TRAPPC9: variants seen among roughly 807,000 people sequenced by gnomAD.
TRAPPC9 encodes IKK2 binding protein.
Under a neutral mutation model 124.0 loss-of-function variants are expected in TRAPPC9, and 83 were observed. The observed-to-expected ratio is 0.67, with a 90% CI of 0.56 to 0.80. The LOEUF (loss-of-function observed/expected upper bound fraction) is 0.80, where lower values mean the gene tolerates loss of function less well. Ranked by LOEUF, TRAPPC9 falls within the 30% of genes least tolerant of loss-of-function variation. The probability of loss-of-function intolerance (pLI) is 0.00; values close to 1 mark genes in which losing one functional copy is unlikely to be tolerated. For missense variants in TRAPPC9, 1,302 were observed against 1,508.3 expected (o/e 0.86, Z 2.27); for synonymous variants, 638 against 617.5 (o/e 1.03, Z -0.49).
intron 21 of TRAPPC9, among the ~76,000 whole-genome samples, chr8:139,760,317 C>G (rs1228897209): frequency 2.6e-5 from 4 of 152,112 alleles, no homozygotes; most frequent in Non-Finnish European, 5.9e-5. Context: ...AGCAGACAGA[C>G]AGCTTGGAGA....
chr8:140,285,057 ATAACT>A, intron 13 of TRAPPC9, among the ~76,000 whole-genome samples: 1 of 152,332 alleles, frequency 6.6e-6, no homozygotes, highest in East Asian at 1.9e-4. Context: ...GTTGCTTAAA[ATAACT>A]GCCATATAAA....
chr8:140,387,303 C>T (rs2132324681), intron 7 of TRAPPC9, among the ~76,000 whole-genome samples: 1 of 152,302 alleles, frequency 6.6e-6, no homozygotes, highest in South Asian at 2.1e-4. Context: ...CCATTCAGGA[C>T]ATAGGCACGG....
chr8:139,995,658 A>G (rs1837917469), intron 18 of TRAPPC9, among the ~76,000 whole-genome samples: 1 of 152,100 alleles, frequency 6.6e-6, no homozygotes, highest in African/African-American at 2.4e-5. Context: ...TGATTCAGAG[A>G]GCAGACAAAG....
chr8:139,967,052 G>A (rs1233928812), intron 19 of TRAPPC9, among the ~76,000 whole-genome samples: 1 of 152,232 alleles, frequency 6.6e-6, no homozygotes, highest in Non-Finnish European at 1.5e-5. Context: ...TGCAGTGGAA[G>A]TGCGGTAGAT....
intron 19 of TRAPPC9, among the ~76,000 whole-genome samples, chr8:139,941,577 T>G (rs1361276627): frequency 1.4e-4 from 22 of 152,188 alleles, no homozygotes; most frequent in Admixed American, 1.4e-3. Context: ...AGAGAGACTG[T>G]GCCAAGTGGT....
intron 10 of TRAPPC9, among the ~76,000 whole-genome samples, chr8:140,309,025 T>C (rs548366785): frequency 6.6e-6 from 1 of 152,246 alleles, no homozygotes; most frequent in South Asian, 2.1e-4. Flanking sequence ...AGAGACACAC[T>C]GCCCAGGAAA....
chr8:140,069,646 T>C (rs1843043164), intron 17 of TRAPPC9, among the ~76,000 whole-genome samples: 1 of 152,164 alleles, frequency 6.6e-6, no homozygotes, highest in African/African-American at 2.4e-5. Flanking sequence ...TTCCTGCTGA[T>C]GGGTGTATCA....
intron 21 of TRAPPC9, among the ~76,000 whole-genome samples, chr8:139,780,396 T>C (rs1369760548): frequency 1.3e-5 from 2 of 152,116 alleles, no homozygotes. Context: ...TCATAAACTC[T>C]GACAAAGGAA....
At chr8:140,405,555 A>G in intron 6 of TRAPPC9, 22 bp downstream of exon 6, 1 of 1,613,924 alleles carries the variant, frequency 6.2e-7, no homozygotes. Flanking sequence ...GTGTAAAAAA[A>G]ATCACAAAGC....
chr8:140,073,556 T>C (rs1337363070), intron 17 of TRAPPC9, among the ~76,000 whole-genome samples: 2 of 152,212 alleles, frequency 1.3e-5, no homozygotes, highest in Admixed American at 6.5e-5. Context: ...TTAACCTAGA[T>C]GGGATACAAG....
intron 17 of TRAPPC9, among the ~76,000 whole-genome samples, chr8:140,108,130 A>G (rs1309382271): frequency 1.3e-5 from 2 of 151,972 alleles, no homozygotes; most frequent in Non-Finnish European, 2.9e-5. Flanking sequence ...GGGGGCGGGG[A>G]GTTAAGAATT....
At chr8:140,367,397 A>AG (rs1376335268) in intron 8 of TRAPPC9, among the ~76,000 whole-genome samples, 1 of 152,228 alleles carries the variant, frequency 6.6e-6, no homozygotes, top group African/African-American at 2.4e-5. Flanking sequence ...CAGCACTATA[A>AG]AGTAATGAGC....
At chr8:139,977,633 A>AT (rs35342660) in intron 19 of TRAPPC9, among the ~76,000 whole-genome samples, 3 of 136,512 alleles carry the variant, frequency 2.2e-5, no homozygotes, top group Admixed American at 7.1e-5. Flanking sequence ...AAAAAAAAAA[A>AT]TGCTGAATAC....
chr8:139,791,336 C>CACAT (rs1822653730), intron 21 of TRAPPC9, among the ~76,000 whole-genome samples: 1 of 134,766 alleles, frequency 7.4e-6, no homozygotes, highest in Non-Finnish European at 1.7e-5. Context: ...GACACACACA[C>CACAT]GCTCACACTC....
At chr8:140,003,910 C>T (rs1447998148) in intron 18 of TRAPPC9, among the ~76,000 whole-genome samples, 2 of 152,218 alleles carry the variant, frequency 1.3e-5, no homozygotes, top group African/African-American at 4.8e-5. Context: ...TTTACAGCAG[C>T]TCTATTCATA....
At chr8:140,148,601 A>G (rs2061495541) in intron 17 of TRAPPC9, among the ~76,000 whole-genome samples, 1 of 152,114 alleles carries the variant, frequency 6.6e-6, no homozygotes, top group African/African-American at 2.4e-5. Context: ...CACAGTCCCA[A>G]CACATCTCAG....
chr8:140,127,464 T>A (rs556666934), intron 17 of TRAPPC9, among the ~76,000 whole-genome samples: 64 of 152,324 alleles, frequency 4.2e-4, no homozygotes, highest in African/African-American at 1.4e-3. Context: ...ATGCTAAGCA[T>A]CTTGAGGACA....
intron 21 of TRAPPC9, among the ~76,000 whole-genome samples, chr8:139,737,470 C>G (rs1020034262): frequency 1.8e-5 from 2 of 113,470 alleles, no homozygotes; most frequent in Non-Finnish European, 4.1e-5. Flanking sequence ...CAGCCCTCCC[C>G]CCCCCCCCAC....
chr8:139,891,369 A>G (rs1179624343), intron 20 of TRAPPC9, among the ~76,000 whole-genome samples: 1 of 152,254 alleles, frequency 6.6e-6, no homozygotes, highest in Admixed American at 6.5e-5. Context: ...ACACCTGTCC[A>G]GTGGTGAAGG....
Sources: gnomAD v4.1 joint callset for allele counts (sites outside exome capture counted in the v4.1 genomes callset) on GRCh38, gnomAD v4.1.1 for gene constraint, MANE v1.5 for transcripts, NCBI Gene and HGNC (gene_info 2026-07-23, HGNC 2026-07-21) for gene names.